Variants in SIK3 observed in about 807,000 individuals in gnomAD.
The protein encoded by SIK3 is SIK family kinase 3.
In SIK3, 28 loss-of-function variants were observed where a neutral mutation model predicts 144.2. The ratio of observed to expected loss-of-function variants is 0.19; its 90% CI spans 0.14 to 0.27. The LOEUF is 0.27. SIK3 is among the 10% of genes least tolerant of loss of function. The pLI, the probability that SIK3 is intolerant of heterozygous loss-of-function variation, is 1.00. For missense variants in SIK3, 1,319 were observed against 1,776.0 expected, an observed-to-expected ratio of 0.74 and a Z score of 4.62; for synonymous variants, 686 against 676.3, an observed-to-expected ratio of 1.01 and a Z score of -0.22.
chr11:117,012,758 G>A (rs541946043), intron 1 of SIK3, among the ~76,000 whole-genome samples: 1 of 151,024 alleles, frequency 6.6e-6, no homozygotes, highest in East Asian at 1.9e-4. Flanking sequence ...TCTCTCAATT[G>A]GGCACTTAGG....
intron 4 of SIK3, among the ~76,000 whole-genome samples, chr11:116,916,696 G>C (rs987244676): frequency 1.7e-4 from 25 of 151,216 alleles, no homozygotes; most frequent in Non-Finnish European, 5.9e-5. Flanking sequence ...ATTTTTAGTA[G>C]AGACGGGGTT....
intron 1 of SIK3, among the ~76,000 whole-genome samples, chr11:117,096,687 C>T (rs1034397165): frequency 6.6e-6 from 1 of 152,118 alleles, no homozygotes; most frequent in African/African-American, 2.4e-5. Context: ...CCAATCAATT[C>T]GCCACAGCCA....
At chr11:116,955,329 C>A (rs1202476237) in intron 2 of SIK3, among the ~76,000 whole-genome samples, 1 of 152,132 alleles carries the variant, frequency 6.6e-6, no homozygotes, top group South Asian at 2.1e-4. Flanking sequence ...ACCCAGGAGG[C>A]GCAGGCTGCA....
At chr11:117,072,055 G>A (rs770331513) in intron 1 of SIK3, among the ~76,000 whole-genome samples, 3 of 151,722 alleles carry the variant, frequency 2.0e-5, no homozygotes, top group African/African-American at 4.8e-5. Flanking sequence ...TTTAAAGTTC[G>A]CCAAATGAGG....
intron 3 of SIK3, among the ~76,000 whole-genome samples, chr11:116,932,830 A>G (rs1445418389): frequency 1.3e-5 from 2 of 152,108 alleles, no homozygotes; most frequent in Non-Finnish European, 2.9e-5. Context: ...TTTTTGAGAA[A>G]GAGTCATTCA....
chr11:116,912,237 T>G (rs1333191381), intron 4 of SIK3, among the ~76,000 whole-genome samples: 1 of 152,212 alleles, frequency 6.6e-6, no homozygotes, highest in Non-Finnish European at 1.5e-5. Context: ...ACTATCAATT[T>G]TGAGACTTGG....
rs539007622 is a variant in SIK3 at position 117,097,921 on chromosome 11, C to T, written c.273+222G>A. Reference sequence around the variant, plus strand: ...CTCCCCGCGCCCGGCTCCTGGGCGCCGGTGCTCTGTGCCCTCGGCCCCCTG... The same window carrying T: ...CTCCCCGCGCCCGGCTCCTGGGCGCTGGTGCTCTGTGCCCTCGGCCCCCTG... On this transcript the variant is annotated intron_variant, in intron 1 of 24. Coordinates refer to ENST00000445177, the MANE Select transcript of SIK3 (RefSeq NM_001366686.3). Among the ~76,000 whole-genome samples the T allele has an allele frequency of 2.0e-3, 298 of 151,942 alleles. 3 individuals are homozygous for T. Among genetic ancestry groups the T allele is most frequent in the African/African-American group, 6.7e-3 (277 of 41,476 alleles).
At chr11:116,885,438 A>G (rs1944761651) in intron 6 of SIK3, among the ~76,000 whole-genome samples, 2 of 152,190 alleles carry the variant, frequency 1.3e-5, no homozygotes, top group South Asian at 4.1e-4. Context: ...TAAAATTCAG[A>G]AATCAGGAAA....
intron 3 of SIK3, among the ~76,000 whole-genome samples, chr11:116,938,074 G>A (rs554330243): frequency 4.0e-4 from 60 of 151,626 alleles, no homozygotes; most frequent in Non-Finnish European, 7.5e-4. Flanking sequence ...GCATGGTGGC[G>A]TGTGCCTGTA....
At position 117,013,901 on chromosome 11, in the gene SIK3, GGGGGGGGGGGGAGGGTGT is replaced by G. The variant is rs1346959737; in HGVS notation, c.274-56855_274-56838del. 1.2e-4 allele frequency among the ~76,000 whole-genome samples: 7 copies of G among 59,794 alleles called. 1 individual carries two copies. The highest frequency in any genetic ancestry group is 5.4e-4 in the South Asian group (1 of 1,852). 39.2% of individuals were successfully genotyped at this position (59,794 alleles called of 152,430 possible). A position where few individuals can be genotyped will look rare whatever the true frequency, so the allele number is the denominator to read the frequency against. ...TGGATATAAGTCTCCAGATTCTGAG[GGGGGGGGGGGGAGGGTGT>G]GTGTGTGTGTGTGTGTGTGTGTGTG... On this transcript the variant is annotated intron_variant, in intron 1 of 24. Transcript: ENST00000445177.
chr11:116,857,165 GCTCA>G (rs1157727887), intron 21 of SIK3: 1 of 152,444 alleles, frequency 6.6e-6, no homozygotes, highest in Non-Finnish European at 1.5e-5. Flanking sequence ...TCTGCATTTA[GCTCA>G]CTAATAAAAC....
intron 21 of SIK3, among the ~76,000 whole-genome samples, chr11:116,854,480 T>C (rs1942712751): frequency 6.6e-6 from 1 of 152,252 alleles, no homozygotes; most frequent in Non-Finnish European, 1.5e-5. Flanking sequence ...TACCTAGCAC[T>C]TCATAGCAAA....
chr11:116,985,002 AG>A (rs1015771744), intron 1 of SIK3, among the ~76,000 whole-genome samples: 5 of 152,156 alleles, frequency 3.3e-5, no homozygotes, highest in Non-Finnish European at 5.9e-5. Context: ...CTTTTGGAAA[AG>A]TTTTCTATGT....
At chr11:116,921,210 T>G (rs976670020) in intron 4 of SIK3, among the ~76,000 whole-genome samples, 1 of 152,210 alleles carries the variant, frequency 6.6e-6, no homozygotes, top group African/African-American at 2.4e-5. Context: ...GAGTTAAAAG[T>G]GCCAGAAGAT....
In SIK3 at chr11:116,858,421, TG is replaced by T; in HGVS notation, c.3043del (p.His1015ThrfsTer56). The T allele has an allele frequency of 6.2e-7, 1 of 1,611,378 alleles. No individual in the cohort carries two copies. Among genetic ancestry groups the T allele is most frequent in the Non-Finnish European group, 8.5e-7 (1 of 1,178,628 alleles). On this transcript the variant is annotated frameshift_variant, in exon 21 of 25. Coordinates refer to ENST00000445177, the MANE Select transcript of SIK3 (RefSeq NM_001366686.3). LOFTEE classifies it high-confidence loss of function. The surrounding 1 kb of genome is among the most constrained non-coding windows in gnomAD (Gnocchi z 5.4). ...GGGAGAAAGCAGTCCTTGAAGGATG[TG>T]GGGTACCTGCTGGTGTCTTGTATAG... Reference protein sequence around the residue: ...PDYTRHQQVPHILQGLLSPRH... With the variant: ...PDYTRHQQVPXILQGLLSPRH...
intron 1 of SIK3, among the ~76,000 whole-genome samples, chr11:117,047,842 T>C (rs2135891885): frequency 6.6e-6 from 1 of 152,330 alleles, no homozygotes; most frequent in East Asian, 1.9e-4. Context: ...AAAAATGTTA[T>C]TCAATGAGAA....
chr11:117,064,348 T>C (rs750203318), intron 1 of SIK3, among the ~76,000 whole-genome samples: 2 of 152,246 alleles, frequency 1.3e-5, no homozygotes, highest in Non-Finnish European at 2.9e-5. Flanking sequence ...ACATCTTAAA[T>C]GAAAACAGCA....
intron 12 of SIK3, 86 bp from the exon 13 acceptor site, chr11:116,873,722 A>C: frequency 6.7e-7 from 1 of 1,494,170 alleles, no homozygotes; most frequent in Non-Finnish European, 9.0e-7. Context: ...ATGGAAATTA[A>C]GGGAGCCATG....
At chr11:117,055,224 G>A (rs1319722064) in intron 1 of SIK3, among the ~76,000 whole-genome samples, 1 of 152,108 alleles carries the variant, frequency 6.6e-6, no homozygotes, top group Non-Finnish European at 1.5e-5. Flanking sequence ...ATTTTTGTAC[G>A]AACTTAAGCT....
Sources: gnomAD v4.1 joint callset for allele counts (sites outside exome capture counted in the v4.1 genomes callset) on GRCh38, gnomAD v4.1.1 for gene constraint, Gnocchi (gnomAD v3.1) non-coding constraint, MANE v1.5 for transcripts, NCBI Gene and HGNC (gene_info 2026-07-23, HGNC 2026-07-21) for gene names.